Variants in KCNAB1 observed in about 807,000 individuals in gnomAD.
KCNAB1 encodes the protein voltage-gated potassium channel subunit beta-1.
In KCNAB1, 35 loss-of-function variants were observed where a neutral mutation model predicts 64.6. The observed-to-expected ratio is 0.54, with a 90% CI of 0.41 to 0.72. KCNAB1 has a LOEUF of 0.72. Among genes scored for constraint, KCNAB1 ranks in the 30% least tolerant of loss-of-function variants. The probability of loss-of-function intolerance (pLI) is 0.00; values close to 1 mark genes in which losing one functional copy is unlikely to be tolerated. For missense variants in KCNAB1, 401 were observed against 512.9 expected, an observed-to-expected ratio of 0.78 and a Z score of 2.11; for synonymous variants, 177 against 183.8, an observed-to-expected ratio of 0.96 and a Z score of 0.30.
intron 8 of KCNAB1, among the ~76,000 whole-genome samples, chr3:156,488,944 A>G (rs1470700257): frequency 6.6e-6 from 1 of 152,134 alleles, no homozygotes; most frequent in African/African-American, 2.4e-5. Context: ...AATGACTCCA[A>G]GGTTTTAGGC....
chr3:156,436,089 G>A (rs897735688), intron 2 of KCNAB1, among the ~76,000 whole-genome samples: 3 of 151,926 alleles, frequency 2.0e-5, no homozygotes, highest in Non-Finnish European at 4.4e-5. Flanking sequence ...CCCCCAACAG[G>A]CCCCAGTGTG....
rs141169706 is a variant in KCNAB1, at chr3:156,319,224, G to A, written c.276-102392G>A. 2.3e-3 allele frequency among the ~76,000 whole-genome samples: 354 copies of A among 152,216 alleles called. 4 individuals are homozygous for A. The highest frequency in any genetic ancestry group is 8.1e-3 in the African/African-American group (335 of 41,538). ...AATAAGCTCTCCTTTCCAATATTTT[G>A]TCAGTTAGAGTAGTCCAGGTTATGC... On this transcript the variant is annotated intron_variant, in intron 1 of 13. Transcript: ENST00000490337.
intron 8 of KCNAB1, among the ~76,000 whole-genome samples, chr3:156,494,202 C>T (rs1365081255): frequency 1.3e-5 from 2 of 152,138 alleles, no homozygotes; most frequent in African/African-American, 4.8e-5. Context: ...AGAACTCTCT[C>T]TTCTTCCCCA....
intron 1 of KCNAB1, among the ~76,000 whole-genome samples, chr3:156,167,671 TAAC>T (rs60743324): frequency 1.2e-4 from 19 of 152,186 alleles, no homozygotes; most frequent in South Asian, 4.1e-4. Flanking sequence ...ACAAACTTTT[TAAC>T]AACAACAACA....
chr3:156,421,706 C>T lies in KCNAB1; in HGVS notation c.319+47C>T, dbSNP rs944212252. 11 of 1,557,440 alleles carry T rather than the reference C, an allele frequency of 7.1e-6. No homozygotes were observed. The African/African-American group carries it at 8.1e-5, about 11-fold the overall frequency. On this transcript the variant is annotated intron_variant, in intron 2 of 13. Transcript: ENST00000490337. ...TGGGGGTGGGCTGGAAGGTGGGAGA[C>T]TGGGGAGGGCACCAGGGAGTGACTG...
intron 1 of KCNAB1, among the ~76,000 whole-genome samples, chr3:156,369,761 G>A (rs1338149569): frequency 6.6e-6 from 1 of 152,176 alleles, no homozygotes; most frequent in Non-Finnish European, 1.5e-5. Flanking sequence ...TTAAACAAAT[G>A]TCACTTAAGA....
intron 2 of KCNAB1, among the ~76,000 whole-genome samples, chr3:156,439,179 C>T (rs146409416): frequency 3.5e-5 from 5 of 144,752 alleles, no homozygotes; most frequent in Admixed American, 1.4e-4. Context: ...GTGCTTGGAA[C>T]GATGTAAATT....
At chr3:156,416,196 T>TA (rs1329661146) in intron 1 of KCNAB1, among the ~76,000 whole-genome samples, 1 of 152,198 alleles carries the variant, frequency 6.6e-6, no homozygotes, top group Non-Finnish European at 1.5e-5. Context: ...CTCCTCTTCT[T>TA]ACCTTCCTTC....
At chr3:156,394,901 T>C (rs1411440570) in intron 1 of KCNAB1, among the ~76,000 whole-genome samples, 2 of 152,248 alleles carry the variant, frequency 1.3e-5, no homozygotes, top group South Asian at 4.1e-4. Context: ...AATCATCTAG[T>C]GTTATTGAAA....
chr3:156,181,507 G>C (rs1234566267), intron 1 of KCNAB1, among the ~76,000 whole-genome samples: 1 of 152,194 alleles, frequency 6.6e-6, no homozygotes, highest in African/African-American at 2.4e-5. Context: ...ATCAAACAAT[G>C]ATGTGTTGGA....
At chr3:156,196,923 A>G (rs1232135655) in intron 1 of KCNAB1, among the ~76,000 whole-genome samples, 2 of 152,202 alleles carry the variant, frequency 1.3e-5, no homozygotes, top group African/African-American at 2.4e-5. Flanking sequence ...ATTCAGTATG[A>G]TACTGGCTGT....
intron 8 of KCNAB1, among the ~76,000 whole-genome samples, chr3:156,511,959 C>T (rs1449053542): frequency 6.6e-6 from 1 of 152,204 alleles, no homozygotes; most frequent in Non-Finnish European, 1.5e-5. Flanking sequence ...CATACTACAT[C>T]ATCTGCCTCG....
chr3:156,182,392 T>C (rs1262374131), intron 1 of KCNAB1, among the ~76,000 whole-genome samples: 1 of 152,202 alleles, frequency 6.6e-6, no homozygotes, highest in Non-Finnish European at 1.5e-5. Flanking sequence ...CAGGAGAGAT[T>C]GTGGGGCTTT....
intron 1 of KCNAB1, among the ~76,000 whole-genome samples, chr3:156,226,260 C>G (rs1404294943): frequency 6.6e-6 from 1 of 152,056 alleles, no homozygotes; most frequent in African/African-American, 2.4e-5. Flanking sequence ...AGAAATTAAG[C>G]CAGATACAGT....
chr3:156,172,222 G>A (rs1456096641), intron 1 of KCNAB1, among the ~76,000 whole-genome samples: 1 of 152,014 alleles, frequency 6.6e-6, no homozygotes. Flanking sequence ...GACAGACAGA[G>A]GGACAGCAGA....
chr3:156,418,954 G>T (rs1018249609), intron 1 of KCNAB1, among the ~76,000 whole-genome samples: 1 of 152,208 alleles, frequency 6.6e-6, no homozygotes, highest in Non-Finnish European at 1.5e-5. Flanking sequence ...TTAAAATCTT[G>T]TAAGGCTTTC....
intron 1 of KCNAB1, among the ~76,000 whole-genome samples, chr3:156,414,918 G>A (rs1714942692): frequency 6.6e-6 from 1 of 152,142 alleles, no homozygotes; most frequent in African/African-American, 2.4e-5. Flanking sequence ...CCCTGGTCTG[G>A]TGATCATGGA....
intron 1 of KCNAB1, among the ~76,000 whole-genome samples, chr3:156,349,908 C>T (rs1194328680): frequency 6.6e-6 from 1 of 152,088 alleles, no homozygotes; most frequent in African/African-American, 2.4e-5. Context: ...TTCTTTTCTC[C>T]CCTCTTTAAT....
At chr3:156,249,692 A>C (rs1402745779) in intron 1 of KCNAB1, among the ~76,000 whole-genome samples, 1 of 152,214 alleles carries the variant, frequency 6.6e-6, no homozygotes, top group Admixed American at 6.5e-5. Flanking sequence ...TCAATCTTAG[A>C]ATAAAATCCA....
Sources: allele counts gnomAD v4.1 joint callset (sites outside exome capture counted in the v4.1 genomes callset), GRCh38; gene constraint gnomAD v4.1.1; transcripts MANE v1.5; gene names NCBI Gene and HGNC (gene_info 2026-07-23, HGNC 2026-07-21).